SYNPO2: variants seen among roughly 807,000 people sequenced by gnomAD.
SYNPO2 encodes the protein synaptopodin 2, also known as synaptopodin-2.
A neutral mutation model predicts 85.0 loss-of-function variants in SYNPO2; 56 were observed. That is an observed-to-expected ratio of 0.66 (90% CI 0.53 to 0.82). The LOEUF is 0.82. SYNPO2 is among the 40% of genes least tolerant of loss of function. The pLI is 0.00. For synonymous variants in SYNPO2, 602 were observed against 591.1 expected (o/e 1.02, Z -0.27); for missense variants, 1,575 against 1,534.2 (o/e 1.03, Z -0.44).
chr4:119,032,277 G>C (rs1271390691), intron 4 of SYNPO2: 1 of 1,396,364 alleles, frequency 7.2e-7, no homozygotes, highest in Non-Finnish European at 9.3e-7. Context: ...AAAAATCCAG[G>C]AGCACCCCAA....
intron 1 of SYNPO2, among the ~76,000 whole-genome samples, chr4:118,903,022 T>C (rs1268560256): frequency 2.0e-5 from 3 of 152,198 alleles, no homozygotes; most frequent in Non-Finnish European, 4.4e-5. Context: ...TAAGACTTAC[T>C]GTGTAACTTT....
intron 1 of SYNPO2, among the ~76,000 whole-genome samples, chr4:118,871,763 G>A (rs1446798136): frequency 2.6e-5 from 4 of 152,230 alleles, no homozygotes; most frequent in South Asian, 4.2e-4. Context: ...TAGAGGCGGG[G>A]TTTCACATTG....
intron 4 of SYNPO2, among the ~76,000 whole-genome samples, chr4:119,039,838 G>A (rs1490584479): frequency 6.6e-6 from 1 of 152,106 alleles, no homozygotes; most frequent in African/African-American, 2.4e-5. Flanking sequence ...AAAAGCAAAA[G>A]GTAATCATGT....
chr4:118,987,398 G>C (rs1343008364), intron 1 of SYNPO2, among the ~76,000 whole-genome samples: 5 of 152,278 alleles, frequency 3.3e-5, no homozygotes, highest in Middle Eastern at 3.4e-3. Flanking sequence ...GCCAGGCATG[G>C]TGGCTCACGC....
At chr4:118,991,709 T>G (rs1027114615) in intron 1 of SYNPO2, among the ~76,000 whole-genome samples, 1 of 152,066 alleles carries the variant, frequency 6.6e-6, no homozygotes, top group African/African-American at 2.4e-5. Flanking sequence ...CAGAGCCAAG[T>G]AGAGACTCCT....
intron 2 of SYNPO2, 78 bp downstream of exon 2, chr4:119,023,659 C>T: frequency 7.0e-7 from 1 of 1,424,372 alleles, no homozygotes; most frequent in Non-Finnish European, 9.3e-7. Flanking sequence ...ACATATATAA[C>T]TTGTCATTTA....
At chr4:118,879,306 A>C (rs1296720410) in intron 1 of SYNPO2, among the ~76,000 whole-genome samples, 2 of 152,226 alleles carry the variant, frequency 1.3e-5, no homozygotes, top group Non-Finnish European at 2.9e-5. Flanking sequence ...AGAGAGGGTT[A>C]GAGCTTCCTT....
chr4:118,873,985 G>T (rs1000566143), intron 1 of SYNPO2, among the ~76,000 whole-genome samples: 1 of 145,304 alleles, frequency 6.9e-6, no homozygotes, highest in Non-Finnish European at 1.5e-5. Flanking sequence ...CTTTTCCCCA[G>T]TGTATGTTCT....
intron 1 of SYNPO2, among the ~76,000 whole-genome samples, chr4:119,022,109 C>A (rs571446504): frequency 6.6e-6 from 1 of 152,198 alleles, no homozygotes; most frequent in Non-Finnish European, 1.5e-5. Flanking sequence ...TTGACATATT[C>A]CCTAATATCC....
At position 118,855,824 on chromosome 4, in the gene SYNPO2, C is replaced by T. The variant is rs111530536; in HGVS notation, c.12+4884C>T. On this transcript the variant is annotated intron_variant, in intron 1 of 4. Coordinates refer to the SYNPO2 transcript ENST00000610556. ...TTAGAGATATAACTTACATAAAGCC[C>T]CCCAGACTTACAACTTAATGATTTC... 6.5e-3 allele frequency among the ~76,000 whole-genome samples: 992 copies of T among 152,184 alleles called. 14 individuals are homozygous for T. Among genetic ancestry groups the T allele is most frequent in the African/African-American group, 0.023 (953 of 41,538 alleles).
At chr4:119,040,677 A>G (rs976194645) in intron 4 of SYNPO2, among the ~76,000 whole-genome samples, 1 of 152,234 alleles carries the variant, frequency 6.6e-6, no homozygotes, top group Non-Finnish European at 1.5e-5. Context: ...TAAACCAAAC[A>G]TATTCTCTAA....
chr4:119,032,420 G>A (rs1738317156), intron 4 of SYNPO2: 2 of 1,123,662 alleles, frequency 1.8e-6, no homozygotes, highest in South Asian at 2.6e-5. Flanking sequence ...TCCTCCTATG[G>A]TGAAAGGTTC....
At chr4:118,989,023 C>T (rs1422972610) in intron 1 of SYNPO2, among the ~76,000 whole-genome samples, 2 of 152,094 alleles carry the variant, frequency 1.3e-5, no homozygotes, top group Non-Finnish European at 2.9e-5. Flanking sequence ...AAGGTGGTCA[C>T]ACATAAAACA....
rs371821863 is a variant in SYNPO2, at chr4:119,055,394, A to T, written c.3253-2007A>T. ...GGTCTTGAACTCCTGATCTCAAGTG[A>T]TCCATCTGCCTCAGCCTCCCCAAGA... On this transcript the variant is annotated intron_variant, in intron 4 of 4. Coordinates refer to ENST00000307142, the MANE Select transcript of SYNPO2 (RefSeq NM_133477.3). Among the ~76,000 whole-genome samples, 14 of 152,246 alleles carry T rather than the reference A, an allele frequency of 9.2e-5. No homozygotes were observed. In the East Asian group the frequency reaches 2.7e-3, roughly 29 times the overall value.
intron 1 of SYNPO2, among the ~76,000 whole-genome samples, chr4:118,943,471 G>A (rs1427759674): frequency 6.6e-6 from 1 of 152,150 alleles, no homozygotes; most frequent in Non-Finnish European, 1.5e-5. Context: ...AGTGATGTGG[G>A]GGAAGGGAAC....
In SYNPO2 at chr4:119,026,704, A is replaced by G; in HGVS notation, c.335A>G (p.Tyr112Cys). The change falls in exon 3 of 5, where the codon TAT (tyrosine) becomes TGT (cysteine). Residue 112 changes from tyrosine to cysteine, a missense_variant. By Grantham distance (194) the Tyr-to-Cys change is radical. This residue lies in a region of SYNPO2 where 1,508 missense variants were observed against 1,446.8 expected (regional missense o/e 1.04). Coordinates refer to ENST00000307142, the MANE Select transcript of SYNPO2 (RefSeq NM_133477.3). Reference sequence around the variant, plus strand: ...CTCGAGCATCTCACACATGGGGGTTATGTGGAAAGTACCACCCTGCAGATT... The same window carrying G: ...CTCGAGCATCTCACACATGGGGGTTGTGTGGAAAGTACCACCCTGCAGATT... ...KNLEHLTHGG[Y>C]VESTTLQIRP... 1 of 1,614,204 alleles carries G rather than the reference A, an allele frequency of 6.2e-7. No homozygotes were observed. Among genetic ancestry groups the G allele is most frequent in the Non-Finnish European group, 8.5e-7 (1 of 1,180,032 alleles).
intron 4 of SYNPO2, chr4:119,033,771 A>G (rs950607696): frequency 1.8e-5 from 18 of 984,796 alleles, no homozygotes; most frequent in African/African-American, 5.2e-5. Flanking sequence ...TCTTCCTTGT[A>G]TGAGCTATTC....
At chr4:119,041,412 C>A (rs1033956145) in intron 4 of SYNPO2, among the ~76,000 whole-genome samples, 1 of 151,990 alleles carries the variant, frequency 6.6e-6, no homozygotes, top group Non-Finnish European at 1.5e-5. Context: ...ATTGGTTGAA[C>A]TAATATAATG....
intron 1 of SYNPO2, among the ~76,000 whole-genome samples, chr4:118,984,454 G>A (rs1405726068): frequency 2.6e-5 from 4 of 152,104 alleles, no homozygotes; most frequent in Non-Finnish European, 1.5e-5. Flanking sequence ...TCATCATATC[G>A]TTCAAAGCCC....
Sources: gnomAD v4.1 joint callset for allele counts (sites outside exome capture counted in the v4.1 genomes callset) on GRCh38, gnomAD v4.1.1 for gene constraint, gnomAD v4.1.1 regional missense constraint, MANE v1.5 for transcripts, NCBI Gene and HGNC (gene_info 2026-07-23, HGNC 2026-07-21) for gene names.